SRSF5: variants seen among roughly 807,000 people sequenced by gnomAD.
SRSF5 encodes serine/arginine-rich splicing factor 5.
Under a neutral mutation model 34.0 loss-of-function variants are expected in SRSF5, and 5 were observed. That is an observed-to-expected ratio of 0.15 (90% confidence interval 0.08 to 0.31). The LOEUF (loss-of-function observed/expected upper bound fraction) is 0.31. SRSF5 is among the 10% of genes least tolerant of loss of function. The pLI, the probability that SRSF5 is intolerant of heterozygous loss-of-function variation, is 1.00. For missense variants in SRSF5, 223 were observed against 351.4 expected (o/e 0.63, Z 2.92); for synonymous variants, 164 against 117.7 (o/e 1.39, Z -2.55).
At chr14:69,768,429 CTT>C in intron 2 of SRSF5, 147 bp downstream of exon 2, 2 of 1,332,080 alleles carry the variant, frequency 1.5e-6, no homozygotes, top group Non-Finnish European at 2.1e-6. Flanking sequence ...CTGAAAACAA[CTT>C]TAACTTGCCG....
At position 69,771,654 on chromosome 14, in the gene SRSF5, A is replaced by C; in HGVS notation, c.*193A>C. The C allele has an allele frequency of 6.2e-6, 4 of 640,314 alleles. No homozygotes were observed. The highest frequency in any genetic ancestry group is 1.0e-5 in the Non-Finnish European group (4 of 383,848). The allele number at this position is 640,314 out of a possible 1,614,324, so 39.7% of individuals were successfully genotyped here. A position where few individuals can be genotyped will look rare whatever the true frequency, so the allele number is the denominator to read the frequency against. Reference sequence around the variant, plus strand: ...GGGTTGTTGAAAACTAATTGTATTAAATGTCTTTTGATAAGCCTTCTGCTC... The same window carrying C: ...GGGTTGTTGAAAACTAATTGTATTACATGTCTTTTGATAAGCCTTCTGCTC... On this transcript the variant is annotated 3_prime_UTR_variant, in exon 8 of 8. Coordinates refer to ENST00000557154, the MANE Select transcript of SRSF5 (RefSeq NM_001320214.2).
chr14:69,771,323 C>T lies in SRSF5; in HGVS notation c.681C>T (p.Ser227=), dbSNP rs1293785048. The T allele has an allele frequency of 2.5e-6, 4 of 1,614,100 alleles. No homozygotes were observed. In the East Asian group the frequency reaches 6.7e-5, roughly 27 times the overall value. ...SRSRSRSRSK[S]RSVSRSPVPE... is the part of the protein sequence containing the mutation. ...GCAGGAGCCGGAGCCGGAGCAAGTC[C>T]CGTTCTGTTAGTAGGTCTCCCGTGC... is the stretch of plus-strand genomic sequence containing the variant. Residue 227 remains serine (S), a synonymous_variant, in exon 8 of 8, where the codon TCC becomes TCT. Coordinates refer to ENST00000557154, the MANE Select transcript of SRSF5 (RefSeq NM_001320214.2).
At chr14:69,767,648 C>A (rs1428420358) in intron 1 of SRSF5, 2 of 414,960 alleles carry the variant, frequency 4.8e-6, no homozygotes, top group Non-Finnish European at 9.7e-6. Context: ...TTGGCACGCG[C>A]AGCTCTGCTG....
Position 69,768,829 on chromosome 14 carries a change from C to A in SRSF5, c.229C>A (p.Arg77=). ...VTIEHARARS[R]GGRGRGRYSD... is the part of the protein sequence containing the mutation. ...TATTGAACATGCTAGGGCTCGGTCA[C>A]GAGGTGGAAGAGGTAGAGGACGATA... The change falls in exon 4 of 8, where the codon CGA becomes AGA. Residue 77 remains arginine, a synonymous_variant. Transcript: ENST00000557154. 6.2e-7 allele frequency: 1 copy of A among 1,614,132 alleles called. No individual in the cohort carries two copies. The highest frequency in any genetic ancestry group is 1.1e-5 in the South Asian group (1 of 91,082).
intron 1 of SRSF5, chr14:69,767,718 C>G (rs1289813794): frequency 2.8e-6 from 1 of 358,648 alleles, no homozygotes; most frequent in Admixed American, 3.7e-5. Context: ...GCTGTTGGCG[C>G]AGGCGCGGTC....
At chr14:69,769,604 C>T in intron 5 of SRSF5, 8 of 1,535,338 alleles carry the variant, frequency 5.2e-6, no homozygotes, top group Non-Finnish European at 6.1e-6. Context: ...TTGACTTTGC[C>T]AGTCAGCTCC....
Position 69,767,166 on chromosome 14 carries a change from A to C in SRSF5, c.-109A>C. On this transcript the variant is annotated 5_prime_UTR_variant, in exon 1 of 8. Coordinates refer to ENST00000557154, the MANE Select transcript of SRSF5 (RefSeq NM_001320214.2). ...CGTCAGTTGTGGAGTGGCGTAGACG[A>C]GTTAAGTCCTGGTCTGCGTGGAGGT... 2 of 342,424 alleles carry C rather than the reference A, an allele frequency of 5.8e-6. No individual in the cohort carries two copies. Among genetic ancestry groups the C allele is most frequent in the South Asian group, 4.4e-5 (2 of 45,322 alleles). 21.2% of individuals were successfully genotyped at this position (342,424 alleles called of 1,614,324 possible).
intron 6 of SRSF5, 162 bp from the exon 7 acceptor site, chr14:69,770,833 C>G (rs1189162037): frequency 2.8e-6 from 2 of 715,762 alleles, no homozygotes; most frequent in Non-Finnish European, 4.6e-6. Context: ...CAAAGTATAA[C>G]AGTGCCAAAA....
intron 5 of SRSF5, chr14:69,769,966 T>C (rs1883007495): frequency 1.9e-6 from 2 of 1,054,698 alleles, no homozygotes; most frequent in African/African-American, 3.4e-5. Flanking sequence ...GAAGAGCCAG[T>C]CGGGCATATG....
At chr14:69,768,310 C>T (rs748119695) in intron 2 of SRSF5, 28 bp downstream of exon 2, 5 of 1,613,288 alleles carry the variant, frequency 3.1e-6, no homozygotes, top group Non-Finnish European at 4.2e-6. Context: ...GGTGAATTAT[C>T]TGCTAAGTAG....
chr14:69,770,667 CCCT>C (rs1265846283), intron 6 of SRSF5, 127 bp downstream of exon 6: 2 of 833,946 alleles, frequency 2.4e-6, no homozygotes, highest in Admixed American at 2.4e-5. Flanking sequence ...TTTGCTGCTT[CCCT>C]CCTCCCCCCC....
intron 2 of SRSF5, 62 bp from the exon 3 acceptor site, chr14:69,768,542 C>A: frequency 1.3e-6 from 2 of 1,502,360 alleles, no homozygotes; most frequent in East Asian, 2.3e-5. Flanking sequence ...TTTCAGTGCT[C>A]TTAATGTGTT....
In SRSF5 at chr14:69,771,571, GGGATTTGGAAGGGGGGTT is replaced by G; in HGVS notation, c.*113_*130del. ...TAAGTATGTGCTTTTCTGTGGGGGT[GGGATTTGGAAGGGGGGTT>G]GGGTTGGGCTGGATATCTTTGTAGA... On this transcript the variant is annotated 3_prime_UTR_variant, in exon 8 of 8. Transcript: ENST00000557154. 7.8e-7 allele frequency: 1 copy of G among 1,284,410 alleles called. No individual in the cohort carries two copies. The highest frequency in any genetic ancestry group is 1.0e-6 in the Non-Finnish European group (1 of 952,448). 79.6% of individuals were successfully genotyped at this position (1,284,410 alleles called of 1,614,324 possible). A position where few individuals can be genotyped will look rare whatever the true frequency, so the allele number is the denominator to read the frequency against.
intron 1 of SRSF5, 141 bp from the exon 2 acceptor site, chr14:69,767,997 C>T (rs1882739893): frequency 1.1e-5 from 10 of 907,736 alleles, no homozygotes; most frequent in Non-Finnish European, 1.6e-5. Context: ...GGTAACCTGG[C>T]CTCATTAGAG....
chr14:69,770,919 C>A lies in SRSF5; in HGVS notation c.441-76C>A, dbSNP rs139616763. 405 of 1,284,856 alleles carry A rather than the reference C, an allele frequency of 3.2e-4. 4 individuals are homozygous for A. The African/African-American group carries it at 5.4e-3, about 17-fold the overall frequency. 79.6% of individuals were successfully genotyped at this position (1,284,856 alleles called of 1,614,324 possible). A position where few individuals can be genotyped will look rare whatever the true frequency, so the allele number is the denominator to read the frequency against. ...ATAGCAAAAGTGAACATAGAAACGA[C>A]TTACCTAGACTGCTGTGTGCAATGT... On this transcript the variant is annotated intron_variant, in intron 6 of 7. Transcript: ENST00000557154.
intron 1 of SRSF5, 31 bp from the exon 2 acceptor site, chr14:69,768,107 C>G: frequency 6.2e-7 from 1 of 1,612,032 alleles, no homozygotes; most frequent in Non-Finnish European, 8.5e-7. Context: ...ACAGTCATTG[C>G]TATTATCTCG....
At chr14:69,768,058 G>C (rs1594747908) in intron 1 of SRSF5, 80 bp from the exon 2 acceptor site, 1 of 1,492,252 alleles carries the variant, frequency 6.7e-7, no homozygotes, top group Non-Finnish European at 9.2e-7. Context: ...ATTTTATGCC[G>C]TTGATGTTTT....
rs2139687135 is a variant in SRSF5, at chr14:69,768,794, G to A, written c.198-4G>A. The A allele has an allele frequency of 1.2e-6, 2 of 1,613,822 alleles. No individual in the cohort carries two copies. The highest frequency in any genetic ancestry group is 1.7e-6 in the Non-Finnish European group (2 of 1,179,848). The stretch of plus-strand genomic sequence containing the variant: ...TAACGGAGATTTTTCTTCCCTTTTT[G>A]TAGGGTTACTATTGAACATGCTAGG... On this transcript the variant is annotated splice_region_variant and splice_polypyrimidine_tract_variant and intron_variant, in intron 3 of 7. Transcript: ENST00000557154.
chr14:69,771,408 C>T lies in SRSF5; in HGVS notation c.766C>T (p.Arg256Cys), dbSNP rs199600880. 25 of 1,614,092 alleles carry T rather than the reference C, an allele frequency of 1.5e-5. No individual in the cohort carries two copies. Among genetic ancestry groups the T allele is most frequent in the Non-Finnish European group, 1.9e-5 (23 of 1,180,050 alleles). Reference sequence around the variant, plus strand: ...ATCTAAGTCTCCAGCATCTGTGGATCGCCAGAGGTCCCGGTCCCGATCAAG... The same window carrying T: ...ATCTAAGTCTCCAGCATCTGTGGATTGCCAGAGGTCCCGGTCCCGATCAAG... ...SRSKSPASVD[R>C]QRSRSRSRSR... The change falls in exon 8 of 8, where the codon CGC becomes TGC. Residue 256 changes from arginine to cysteine, a missense_variant. Arg to Cys is a radical substitution (Grantham distance 180, BLOSUM62 -3). This residue lies in a region of SRSF5 where 115 missense variants were observed against 119.7 expected (regional missense o/e 0.96). Transcript: ENST00000557154.
Sources: gnomAD v4.1 joint callset for allele counts on GRCh38, gnomAD v4.1.1 for gene constraint, gnomAD v4.1.1 regional missense constraint, MANE v1.5 for transcripts, NCBI Gene and HGNC (gene_info 2026-07-23, HGNC 2026-07-21) for gene names.